WIZ: variants seen among roughly 807,000 people sequenced by gnomAD.
WIZ encodes protein Wiz.
A neutral mutation model predicts 140.2 loss-of-function variants in WIZ; 25 were observed. The observed-to-expected ratio is 0.18, with a 90% CI of 0.13 to 0.25. The LOEUF (loss-of-function observed/expected upper bound fraction) is 0.25, where lower values mean the gene tolerates loss of function less well. Ranked by LOEUF, WIZ falls within the 10% of genes least tolerant of loss-of-function variation. WIZ has a pLI of 1.00. For synonymous variants in WIZ, 1,125 were observed against 1,154.3 expected, an observed-to-expected ratio of 0.97 and a Z score of 0.51; for missense variants, 2,231 against 2,632.6, an observed-to-expected ratio of 0.85 and a Z score of 3.34.
In WIZ at chr19:15,427,209, G is replaced by A. The variant is rs776760394; in HGVS notation, c.4139C>T (p.Pro1380Leu). ...HISPLAKKLP[P>L]PPGSPLGHSP... ...GTGGCCCAGGGGGCTGCCCGGTGGTGGTGGCAACTTCTTGGCCAAGGGTGA... is the reference window on the plus strand; with the variant it reads ...GTGGCCCAGGGGGCTGCCCGGTGGTAGTGGCAACTTCTTGGCCAAGGGTGA... The change falls in exon 9 of 13, where the codon CCA (proline) becomes CTA (leucine). Residue 1380 changes from proline (P) to leucine (L), a missense_variant. By Grantham distance (98) the Pro-to-Leu change is moderately conservative (BLOSUM62 -3). Transcript: ENST00000673675. This position sits in a 1 kb window ranked among gnomAD's most constrained non-coding sequence, Gnocchi z 6.4. The A allele has an allele frequency of 1.2e-6, 2 of 1,614,050 alleles. No homozygotes were observed. The highest frequency in any genetic ancestry group is 2.2e-5 in the South Asian group (2 of 91,088).
chr19:15,448,324 G>A lies in WIZ; in HGVS notation c.-17C>T, dbSNP rs1246606814. ...CCCCTCCATCGGATTTTCTCTGCTT[G>A]GATCCACTCAGCTGCTGCACCGGCT... On this transcript the variant is annotated 5_prime_UTR_variant, in exon 2 of 13. Coordinates refer to ENST00000673675, the MANE Select transcript of WIZ (RefSeq NM_001371589.1). The A allele has an allele frequency of 6.2e-7, 1 of 1,609,996 alleles. No homozygotes were observed. Among genetic ancestry groups the A allele is most frequent in the Non-Finnish European group, 8.5e-7 (1 of 1,179,784 alleles).
chr19:15,436,521 C>T (rs1437212397), intron 5 of WIZ: 8 of 403,134 alleles, frequency 2.0e-5, no homozygotes, highest in Non-Finnish European at 3.1e-5. Flanking sequence ...GTGCTTAGAA[C>T]GATGCCTGGC....
rs920130177 is a variant in WIZ, at chr19:15,439,117, A to G, written c.1877T>C (p.Val626Ala). ...EEEEEEEEED[V>A]VLTSEMDFSP... is the part of the protein sequence containing the mutation. ...AAAATCCATCTCGGAGGTCAGCACT[A>G]CATCCTCCTCCTCCTCCTCCTCCTC... The change falls in exon 4 of 13, where the codon GTA (valine) becomes GCA (alanine). Residue 626 changes from valine (V) to alanine (A), a missense_variant. Physicochemically the swap from Val to Ala is moderately conservative, Grantham distance 64. Coordinates refer to ENST00000673675, the MANE Select transcript of WIZ (RefSeq NM_001371589.1). This position sits in a 1 kb window ranked among gnomAD's most constrained non-coding sequence, Gnocchi z 7.0. 36 of 1,510,784 alleles carry G rather than the reference A, an allele frequency of 2.4e-5. No homozygotes were observed. Among genetic ancestry groups the G allele is most frequent in the Non-Finnish European group, 3.0e-5 (34 of 1,133,146 alleles). The allele number at this position is 1,510,784 out of a possible 1,614,324, so 93.6% of individuals were successfully genotyped here. A position where few individuals can be genotyped will look rare whatever the true frequency, so the allele number is the denominator to read the frequency against.
intron 5 of WIZ, chr19:15,432,443 G>A (rs963946197): frequency 3.0e-6 from 3 of 984,310 alleles, no homozygotes; most frequent in African/African-American, 3.5e-5. Flanking sequence ...CCGGGCGCGG[G>A]AGCGGACGCG....
Position 15,428,336 on chromosome 19 carries a change from G to A in WIZ, c.3588C>T (p.Asp1196=), listed in dbSNP as rs755191093. The A allele has an allele frequency of 8.5e-6, 13 of 1,534,946 alleles. No homozygotes were observed. The highest frequency in any genetic ancestry group is 7.3e-5 in the East Asian group (3 of 40,872). ...IDVLHGLIRR[D]GVQIRLPPRR... ...TGGGTGGGAGGCGGATCTGGACGCC[G>A]TCCCTCCTGATGAGCCCGTGGAGCA... Residue 1196 remains aspartate, a synonymous_variant, in exon 8 of 13, where the codon GAC becomes GAT. Coordinates refer to ENST00000673675, the MANE Select transcript of WIZ (RefSeq NM_001371589.1). This position sits in a 1 kb window ranked among gnomAD's most constrained non-coding sequence, Gnocchi z 6.4.
Position 15,428,316 on chromosome 19 carries a change from G to A in WIZ, c.3608C>T (p.Pro1203Leu). Residue 1203 changes from proline to leucine, a missense_variant, in exon 8 of 13, where the codon CCA (proline) becomes CTA (leucine). By Grantham distance (98) the Pro-to-Leu change is moderately conservative. This residue lies in a region of WIZ where 141 missense variants were observed against 161.2 expected (regional missense o/e 0.87). Transcript: ENST00000673675. The surrounding 1 kb of genome is among the most constrained non-coding windows in gnomAD (Gnocchi z 6.4). ...GTGGGCCAGGGCGCCGCGCCTGGGT[G>A]GGAGGCGGATCTGGACGCCGTCCCT... ...IRRDGVQIRL[P>L]PRRGALAHPG... The A allele has an allele frequency of 6.5e-7, 1 of 1,533,886 alleles. No homozygotes were observed.
chr19:15,440,248 G>A lies in WIZ; in HGVS notation c.746C>T (p.Pro249Leu), dbSNP rs764806661. 37 of 1,492,568 alleles carry A rather than the reference G, an allele frequency of 2.5e-5. No individual in the cohort carries two copies. Among genetic ancestry groups the A allele is most frequent in the East Asian group, 9.9e-5 (4 of 40,584 alleles). 92.5% of individuals were successfully genotyped at this position (1,492,568 alleles called of 1,614,324 possible). A position where few individuals can be genotyped will look rare whatever the true frequency, so the allele number is the denominator to read the frequency against. The change falls in exon 4 of 13, where the codon CCG (proline) becomes CTG (leucine). Residue 249 changes from proline (P) to leucine (L), a missense_variant. By Grantham distance (98) the Pro-to-Leu change is moderately conservative. Transcript: ENST00000673675. The surrounding 1 kb of genome is among the most constrained non-coding windows in gnomAD (Gnocchi z 6.2). ...DLEDLEGLAQ[P>L]SEWGLPTSAS... Reference sequence around the variant, plus strand: ...TGACGTGGGTAGGCCCCACTCGGACGGCTGGGCCAGCCCCTCCAGGTCCTC... The same window carrying A: ...TGACGTGGGTAGGCCCCACTCGGACAGCTGGGCCAGCCCCTCCAGGTCCTC...
intron 5 of WIZ, chr19:15,432,536 G>GC: frequency 6.4e-6 from 5 of 779,236 alleles, no homozygotes; most frequent in Non-Finnish European, 4.6e-6. Flanking sequence ...GGCGGCGGCG[G>GC]GGGTGGGGGC....
rs1310325729 is a variant in WIZ, at chr19:15,440,762, T to A, written c.279-47A>T. The A allele has an allele frequency of 1.7e-5, 24 of 1,441,344 alleles. No individual in the cohort carries two copies. Among genetic ancestry groups the A allele is most frequent in the Non-Finnish European group, 1.2e-5 (13 of 1,100,308 alleles). The allele number at this position is 1,441,344 out of a possible 1,614,324, so 89.3% of individuals were successfully genotyped here. On this transcript the variant is annotated intron_variant, in intron 3 of 12. Coordinates refer to ENST00000673675, the MANE Select transcript of WIZ (RefSeq NM_001371589.1). This position sits in a 1 kb window ranked among gnomAD's most constrained non-coding sequence, Gnocchi z 6.2. ...GACAGGTTAGCCATGGGCTGCAGTT[T>A]TCCTTCCTAGGGTGGTGATGGGGGT...
chr19:15,444,327 G>T (rs1969844609), intron 2 of WIZ, among the ~76,000 whole-genome samples: 1 of 152,154 alleles, frequency 6.6e-6, no homozygotes, highest in African/African-American at 2.4e-5. Flanking sequence ...CAAGAAAAGG[G>T]TTGTGACTGT....
intron 10 of WIZ, 53 bp from the exon 11 acceptor site, chr19:15,425,085 C>T (rs758109959): frequency 5.3e-6 from 8 of 1,508,364 alleles, no homozygotes; most frequent in Non-Finnish European, 7.1e-6. Flanking sequence ...GGCAGGTGCA[C>T]CCAGATGGCC....
chr19:15,425,208 C>T (rs370847750), intron 10 of WIZ, 33 bp downstream of exon 10: 273 of 1,553,684 alleles, frequency 1.8e-4, no homozygotes, highest in Non-Finnish European at 2.3e-4. Context: ...CCCTGGCGGT[C>T]GCCCTCCCAG....
chr19:15,439,538 C>T lies in WIZ; in HGVS notation c.1456G>A (p.Val486Met). Residue 486 changes from valine (V) to methionine (M), a missense_variant, in exon 4 of 13, where the codon GTG (valine) becomes ATG (methionine). Val to Met is a conservative substitution (Grantham distance 21, BLOSUM62 1). Coordinates refer to ENST00000673675, the MANE Select transcript of WIZ (RefSeq NM_001371589.1). The surrounding 1 kb of genome is among the most constrained non-coding windows in gnomAD (Gnocchi z 7.0). ...ESLLREHVRL[V>M]HAHPHWEEDG... ...TCCTCCCAGTGGGGATGGGCATGCA[C>T]CAGCCTCACGTGCTCCCTGAGCAGG... 5 of 1,525,202 alleles carry T rather than the reference C, an allele frequency of 3.3e-6. No homozygotes were observed. Among genetic ancestry groups the T allele is most frequent in the African/African-American group, 1.4e-5 (1 of 72,710 alleles). 94.5% of individuals were successfully genotyped at this position (1,525,202 alleles called of 1,614,324 possible).
intron 9 of WIZ, among the ~76,000 whole-genome samples, chr19:15,426,642 C>A (rs530002335): frequency 1.3e-5 from 2 of 152,236 alleles, no homozygotes; most frequent in African/African-American, 4.8e-5. Context: ...CCAGTCCCTA[C>A]GCTCCTGCTG....
At chr19:15,426,839 G>A (rs1162150622) in intron 9 of WIZ, 143 bp downstream of exon 9, 1 of 935,218 alleles carries the variant, frequency 1.1e-6, no homozygotes, top group Non-Finnish European at 1.6e-6. Flanking sequence ...TGCATAGCAG[G>A]AATACACAGC....
At chr19:15,432,059 T>A (rs572387013) in intron 5 of WIZ, among the ~76,000 whole-genome samples, 1 of 151,386 alleles carries the variant, frequency 6.6e-6, no homozygotes, top group East Asian at 2.0e-4. Flanking sequence ...AAGCAAAGAG[T>A]AGGCGCTGAG....
intron 2 of WIZ, among the ~76,000 whole-genome samples, chr19:15,445,646 C>G (rs1969891781): frequency 6.6e-6 from 1 of 152,174 alleles, no homozygotes; most frequent in African/African-American, 2.4e-5. Context: ...GTCCCCAACA[C>G]AATGCCAGGC....
At chr19:15,448,959 CCA>C (rs1256418310) in intron 1 of WIZ, among the ~76,000 whole-genome samples, 1 of 151,976 alleles carries the variant, frequency 6.6e-6, no homozygotes. Context: ...TCACCCCCCT[CCA>C]CACACACAGC....
intron 3 of WIZ, among the ~76,000 whole-genome samples, chr19:15,441,815 T>A (rs1466604094): frequency 1.3e-5 from 2 of 152,132 alleles, no homozygotes; most frequent in Admixed American, 6.5e-5. Flanking sequence ...ATGTTCAGAG[T>A]GTAGCTCATA....
Sources: allele counts gnomAD v4.1 joint callset (sites outside exome capture counted in the v4.1 genomes callset), GRCh38; gene constraint gnomAD v4.1.1; regional missense constraint gnomAD v4.1.1; non-coding constraint Gnocchi (gnomAD v3.1); transcripts MANE v1.5; gene names NCBI Gene and HGNC (gene_info 2026-07-23, HGNC 2026-07-21).